Variants in NSMCE2 observed in about 807,000 individuals in gnomAD.
NSMCE2 encodes E3 SUMO-protein ligase NSE2.
In NSMCE2, 24 loss-of-function variants were observed where a neutral mutation model predicts 23.8. The ratio of observed to expected loss-of-function variants is 1.01; its 90% CI spans 0.73 to 1.42. The LOEUF (loss-of-function observed/expected upper bound fraction) is 1.42. NSMCE2 is among the 40% of genes most tolerant of loss of function. The pLI is 0.00. For missense variants in NSMCE2, 284 were observed against 296.5 expected, an observed-to-expected ratio of 0.96 and a Z score of 0.31; for synonymous variants, 92 against 94.1, an observed-to-expected ratio of 0.98 and a Z score of 0.13.
At chr8:125,361,987 A>T (rs1323709114) in intron 7 of NSMCE2, among the ~76,000 whole-genome samples, 1 of 152,290 alleles carries the variant, frequency 6.6e-6, no homozygotes, top group East Asian at 1.9e-4. Context: ...GGTTCCCCAC[A>T]GCTCTGTGGG....
chr8:125,337,577 A>G (rs916888144), intron 5 of NSMCE2, among the ~76,000 whole-genome samples: 1 of 152,216 alleles, frequency 6.6e-6, no homozygotes, highest in Non-Finnish European at 1.5e-5. Context: ...TTTGACTTGC[A>G]AATACTGTAT....
At chr8:125,332,795 A>G (rs1169710516) in intron 5 of NSMCE2, among the ~76,000 whole-genome samples, 1 of 152,200 alleles carries the variant, frequency 6.6e-6, no homozygotes, top group Admixed American at 6.5e-5. Context: ...GATTTCTGTC[A>G]AAACAAGATT....
At chr8:125,162,886 C>A (rs2130733121) in intron 4 of NSMCE2, among the ~76,000 whole-genome samples, 1 of 152,326 alleles carries the variant, frequency 6.6e-6, no homozygotes, top group Non-Finnish European at 1.5e-5. Flanking sequence ...TGACTTTAGT[C>A]ATCTTTTTCA....
chr8:125,234,325 T>G (rs986499121), intron 5 of NSMCE2, among the ~76,000 whole-genome samples: 1 of 152,258 alleles, frequency 6.6e-6, no homozygotes, highest in Admixed American at 6.5e-5. Flanking sequence ...CATACCATTT[T>G]ATGTATATTT....
At chr8:125,151,591 T>A (rs908559795) in intron 4 of NSMCE2, among the ~76,000 whole-genome samples, 1 of 152,254 alleles carries the variant, frequency 6.6e-6, no homozygotes, top group Non-Finnish European at 1.5e-5. Context: ...TGCACCTTGT[T>A]TTTATTGTTC....
chr8:125,324,729 T>C (rs1829592629), intron 5 of NSMCE2, among the ~76,000 whole-genome samples: 2 of 105,718 alleles, frequency 1.9e-5, no homozygotes, highest in African/African-American at 5.4e-5. Flanking sequence ...CGCCCGCCAC[T>C]ACGCCCGGCT....
At chr8:125,263,845 G>A (rs1346284400) in intron 5 of NSMCE2, among the ~76,000 whole-genome samples, 4 of 152,010 alleles carry the variant, frequency 2.6e-5, no homozygotes, top group African/African-American at 9.7e-5. Context: ...ATCAGCTCTA[G>A]CGTGTAAAGA....
intron 7 of NSMCE2, among the ~76,000 whole-genome samples, chr8:125,359,634 T>C (rs189939674): frequency 4.1e-4 from 62 of 152,276 alleles, no homozygotes; most frequent in African/African-American, 1.4e-3. Context: ...CGCCCAGCCA[T>C]GGCATGCTTT....
chr8:125,313,114 A>G (rs1214677413), intron 5 of NSMCE2, among the ~76,000 whole-genome samples: 5 of 150,962 alleles, frequency 3.3e-5, no homozygotes, highest in East Asian at 1.9e-4. Context: ...AAAAAAAAAA[A>G]GGGAAAGAAG....
intron 3 of NSMCE2, among the ~76,000 whole-genome samples, chr8:125,124,779 C>T (rs912694193): frequency 6.6e-6 from 1 of 151,930 alleles, no homozygotes; most frequent in African/African-American, 2.4e-5. Flanking sequence ...CACCCAGCCT[C>T]CTCAGGATTT....
At chr8:125,264,371 T>G (rs190652658) in intron 5 of NSMCE2, among the ~76,000 whole-genome samples, 3 of 152,326 alleles carry the variant, frequency 2.0e-5, no homozygotes, top group Non-Finnish European at 2.9e-5. Flanking sequence ...CCTGTCACTC[T>G]CAGCAGCGCC....
intron 5 of NSMCE2, among the ~76,000 whole-genome samples, chr8:125,342,678 C>T (rs1452332732): frequency 6.6e-6 from 1 of 150,782 alleles, no homozygotes; most frequent in Non-Finnish European, 1.5e-5. Context: ...CATTTTATTT[C>T]TTCCTTCCAG....
At chr8:125,141,536 T>C (rs1321608649) in intron 3 of NSMCE2, among the ~76,000 whole-genome samples, 2 of 152,216 alleles carry the variant, frequency 1.3e-5, no homozygotes, top group East Asian at 3.8e-4. Flanking sequence ...TTAATAACAC[T>C]GAATTCATGT....
intron 5 of NSMCE2, among the ~76,000 whole-genome samples, chr8:125,331,496 A>T (rs1829874136): frequency 6.6e-6 from 1 of 152,182 alleles, no homozygotes; most frequent in Non-Finnish European, 1.5e-5. Flanking sequence ...GTGCTGGGTA[A>T]TGGGGAAGAG....
At chr8:125,203,078 T>C (rs1823953904) in intron 5 of NSMCE2, among the ~76,000 whole-genome samples, 1 of 152,198 alleles carries the variant, frequency 6.6e-6, no homozygotes, top group Non-Finnish European at 1.5e-5. Flanking sequence ...GCTGCAGCTA[T>C]CACTATGTAC....
intron 3 of NSMCE2, among the ~76,000 whole-genome samples, chr8:125,140,970 C>T (rs530146264): frequency 6.6e-6 from 1 of 152,160 alleles, no homozygotes; most frequent in South Asian, 2.1e-4. Context: ...GACACCTGGC[C>T]GTGAAGATTT....
At position 125,333,601 on chromosome 8, in the gene NSMCE2, G is replaced by A. The variant is rs542102377; in HGVS notation, c.419-23618G>A. The stretch of plus-strand genomic sequence containing the variant: ...GCGATCTCGGCTCACTGCAAGCTCC[G>A]CCTCCCGGGTTCACGCCATTCTCCT... On this transcript the variant is annotated intron_variant, in intron 5 of 7. Transcript: ENST00000287437. Among the ~76,000 whole-genome samples the A allele has an allele frequency of 2.1e-4, 26 of 123,814 alleles. 1 individual carries two copies. The highest frequency in any genetic ancestry group is 3.7e-4 in the Non-Finnish European group (23 of 62,476). The allele number at this position is 123,814 out of a possible 152,430, so 81.2% of individuals were successfully genotyped here. A position where few individuals can be genotyped will look rare whatever the true frequency, so the allele number is the denominator to read the frequency against.
chr8:125,340,120 T>C (rs1308704999), intron 5 of NSMCE2, among the ~76,000 whole-genome samples: 2 of 143,992 alleles, frequency 1.4e-5, no homozygotes, highest in African/African-American at 5.1e-5. Context: ...GTTCACGCCA[T>C]TCTCCTGCCT....
chr8:125,306,359 TA>T (rs199582077), intron 5 of NSMCE2, among the ~76,000 whole-genome samples: 12,382 of 144,692 alleles, frequency 0.086, 608 homozygotes, highest in South Asian at 0.16. Flanking sequence ...TTATATATAT[TA>T]AAAAAAAAAA....
Sources: allele counts gnomAD v4.1 joint callset (sites outside exome capture counted in the v4.1 genomes callset), GRCh38; gene constraint gnomAD v4.1.1; transcripts MANE v1.5; gene names NCBI Gene and HGNC (gene_info 2026-07-23, HGNC 2026-07-21).